Variants in SCHIP1 observed in about 807,000 individuals in gnomAD.
SCHIP1 encodes the protein schwannomin interacting protein 1, also known as schwannomin-interacting protein 1.
SCHIP1 carries 8 observed loss-of-function variants against 29.7 expected under a neutral mutation model. The ratio of observed to expected loss-of-function variants is 0.27; its 90% CI spans 0.16 to 0.49. SCHIP1 has a LOEUF of 0.49. Ranked by LOEUF, SCHIP1 falls within the 20% of genes least tolerant of loss-of-function variation. SCHIP1 has a pLI of 0.99. For missense variants in SCHIP1, 193 were observed against 294.6 expected, an observed-to-expected ratio of 0.66 and a Z score of 2.52; for synonymous variants, 76 against 94.9, an observed-to-expected ratio of 0.80 and a Z score of 1.16.
chr3:159,582,373 C>T, the SCHIP1 span, among the ~76,000 whole-genome samples: 6 of 151,856 alleles, frequency 4.0e-5, no homozygotes, highest in Non-Finnish European at 8.8e-5. Flanking sequence ...TACTATGTTG[C>T]CAGGGCTGGT....
At chr3:159,626,906 G>A in the SCHIP1 span, among the ~76,000 whole-genome samples, 1 of 152,188 alleles carries the variant, frequency 6.6e-6, no homozygotes, top group Non-Finnish European at 1.5e-5. Context: ...GGATACAAGT[G>A]CAGAATGTGC....
At chr3:159,815,553 G>A in the SCHIP1 span, among the ~76,000 whole-genome samples, 1 of 152,186 alleles carries the variant, frequency 6.6e-6, no homozygotes, top group Non-Finnish European at 1.5e-5. Context: ...CATTAGTGAT[G>A]TCGCCCATTA....
chr3:159,360,445 C>T, the SCHIP1 span, among the ~76,000 whole-genome samples: 1 of 152,338 alleles, frequency 6.6e-6, no homozygotes, highest in South Asian at 2.1e-4. Context: ...GACTCTTCCC[C>T]TATCCCTAAC....
intron 2 of SCHIP1, among the ~76,000 whole-genome samples, chr3:159,876,104 C>T (rs1457691081): frequency 6.6e-6 from 1 of 152,126 alleles, no homozygotes; most frequent in Non-Finnish European, 1.5e-5. Context: ...TCATTGAAAA[C>T]ACTATAAAAA....
the SCHIP1 span, among the ~76,000 whole-genome samples, chr3:159,376,429 C>T: frequency 6.6e-6 from 1 of 152,142 alleles, no homozygotes; most frequent in South Asian, 2.1e-4. Flanking sequence ...GCTGTGGCCA[C>T]CTGCCTCCCC....
chr3:159,327,700 A>T, the SCHIP1 span, among the ~76,000 whole-genome samples: 1 of 152,176 alleles, frequency 6.6e-6, no homozygotes, highest in Admixed American at 6.5e-5. Context: ...TCAAGGCCCT[A>T]ATAACTCTGC....
chr3:159,674,917 T>A, the SCHIP1 span, among the ~76,000 whole-genome samples: 7 of 152,004 alleles, frequency 4.6e-5, no homozygotes, highest in Non-Finnish European at 8.8e-5. Flanking sequence ...ATCTACGGAG[T>A]TTAAGGTTGG....
the SCHIP1 span, among the ~76,000 whole-genome samples, chr3:159,798,173 A>G: frequency 6.6e-6 from 1 of 152,244 alleles, no homozygotes; most frequent in Non-Finnish European, 1.5e-5. Flanking sequence ...TATAACAATT[A>G]GTATTACACA....
the SCHIP1 span, among the ~76,000 whole-genome samples, chr3:159,337,004 C>T: frequency 6.6e-6 from 1 of 152,084 alleles, no homozygotes; most frequent in South Asian, 2.1e-4. Context: ...TTGTTTGTAT[C>T]CTCTTTTATT....
At chr3:159,446,363 A>G in the SCHIP1 span, among the ~76,000 whole-genome samples, 4 of 152,194 alleles carry the variant, frequency 2.6e-5, no homozygotes, top group Admixed American at 6.6e-5. Context: ...GGGAGAGAAT[A>G]ATGAGATGAT....
the SCHIP1 span, among the ~76,000 whole-genome samples, chr3:159,529,780 T>C: frequency 6.6e-6 from 1 of 152,202 alleles, no homozygotes; most frequent in Non-Finnish European, 1.5e-5. Context: ...TCCCAGCCTC[T>C]GGTAACCACC....
chr3:159,823,538 C>G, the SCHIP1 span, among the ~76,000 whole-genome samples: 1 of 152,124 alleles, frequency 6.6e-6, no homozygotes, highest in South Asian at 2.1e-4. Flanking sequence ...CAGCGTGGGT[C>G]CCAGCAGTGG....
the SCHIP1 span, among the ~76,000 whole-genome samples, chr3:159,747,766 T>C: frequency 1.3e-5 from 2 of 152,190 alleles, no homozygotes; most frequent in Admixed American, 6.5e-5. Flanking sequence ...TTCAGTGATA[T>C]GTTGAAATGT....
chr3:159,396,610 G>C, the SCHIP1 span, among the ~76,000 whole-genome samples: 33 of 151,814 alleles, frequency 2.2e-4, no homozygotes, highest in East Asian at 1.9e-4. Context: ...GAAATTCTGG[G>C]TTGAAAATTC....
the SCHIP1 span, among the ~76,000 whole-genome samples, chr3:159,747,687 T>C: frequency 6.6e-6 from 1 of 152,120 alleles, no homozygotes; most frequent in African/African-American, 2.4e-5. Context: ...ATGAGAAGCA[T>C]AGACAGCCAG....
At chr3:159,437,877 G>C in the SCHIP1 span, among the ~76,000 whole-genome samples, 3 of 152,118 alleles carry the variant, frequency 2.0e-5, no homozygotes, top group African/African-American at 7.2e-5. Flanking sequence ...TAGGCATCAA[G>C]AACACCAATC....
At chr3:159,534,594 C>T in the SCHIP1 span, among the ~76,000 whole-genome samples, 1 of 151,908 alleles carries the variant, frequency 6.6e-6, no homozygotes, top group African/African-American at 2.4e-5. Flanking sequence ...AGAGAGAAAA[C>T]AGAAGGATGT....
chr3:159,372,795 T>C, the SCHIP1 span, among the ~76,000 whole-genome samples: 1 of 151,676 alleles, frequency 6.6e-6, no homozygotes, highest in African/African-American at 2.4e-5. Context: ...TTAATGTCTA[T>C]AAATAAAACT....
chr3:159,297,354 A>C, the SCHIP1 span, among the ~76,000 whole-genome samples: 2 of 152,066 alleles, frequency 1.3e-5, no homozygotes, highest in African/African-American at 4.8e-5. Flanking sequence ...TTCTATTTTT[A>C]ATTTTTCGAG....
Sources: gnomAD v4.1 joint callset for allele counts (sites outside exome capture counted in the v4.1 genomes callset) on GRCh38, gnomAD v4.1.1 for gene constraint, MANE v1.5 for transcripts, NCBI Gene and HGNC (gene_info 2026-07-23, HGNC 2026-07-21) for gene names.